Variants in SYNE2 observed in about 807,000 individuals in gnomAD.
SYNE2 encodes the protein spectrin repeat containing nuclear envelope protein 2, also known as nesprin-2.
In SYNE2, 431 loss-of-function variants were observed where a neutral mutation model predicts 856.3. The ratio of observed to expected loss-of-function variants is 0.50; its 90% confidence interval spans 0.47 to 0.55. The LOEUF (loss-of-function observed/expected upper bound fraction) is 0.55, where lower values mean the gene tolerates loss of function less well. SYNE2 is among the 20% of genes least tolerant of loss of function. The probability of loss-of-function intolerance (pLI) is 0.00; values close to 1 mark genes in which losing one functional copy is unlikely to be tolerated. For missense variants in SYNE2, 8,129 were observed against 8,023.2 expected (o/e 1.01, Z -0.50); for synonymous variants, 2,923 against 2,872.3 (o/e 1.02, Z -0.56).
intron 51 of SYNE2, 26 bp downstream of exon 51, chr14:64,065,676 A>T (rs759058167): frequency 6.2e-7 from 1 of 1,612,048 alleles, no homozygotes; most frequent in Non-Finnish European, 8.5e-7. Flanking sequence ...TCAACAAACC[A>T]TGTAGTTTCT....
At chr14:63,979,154 G>T (rs2096566706) in intron 14 of SYNE2, 140 bp downstream of exon 14, 1 of 818,802 alleles carries the variant, frequency 1.2e-6, no homozygotes, top group South Asian at 1.5e-5. Flanking sequence ...CTTAAATATT[G>T]CATGGAGAAA....
rs529688432 is a variant in SYNE2, at chr14:64,210,045, T to C, written c.18644T>C (p.Leu6215Pro). 1 of 1,614,122 alleles carries C rather than the reference T, an allele frequency of 6.2e-7. No homozygotes were observed. Among genetic ancestry groups the C allele is most frequent in the South Asian group, 1.1e-5 (1 of 91,090 alleles). Residue 6215 changes from leucine to proline, a missense_variant, in exon 103 of 116, where the codon CTG becomes CCG. Transcript: ENST00000555002. Reference sequence around the variant, plus strand: ...AACCGCACAGACACGGCCAGCAGGCTGAAGCAGATGGTCCACGAGGGCAAC... The same window carrying C: ...AACCGCACAGACACGGCCAGCAGGCCGAAGCAGATGGTCCACGAGGGCAAC... ...RENRTDTASR[L>P]KQMVHEGNQR... is the part of the protein sequence containing the mutation.
In SYNE2 at chr14:64,087,790, T is replaced by A; in HGVS notation, c.11604T>A (p.Ser3868Arg). ...TAACCCAATCCATACAAGAGTTAAG[T>A]AATCAAGTAACAGCTTTACAACAAA... ...DELTQSIQELSNQVTALQQKI... is the reference protein window; with the variant it reads ...DELTQSIQELRNQVTALQQKI... The change falls in exon 58 of 116, where the codon AGT becomes AGA. Residue 3868 changes from serine (S) to arginine (R), a missense_variant. Coordinates refer to ENST00000555002, the MANE Select transcript of SYNE2 (RefSeq NM_182914.3). The A allele has an allele frequency of 1.9e-6, 3 of 1,614,142 alleles. No homozygotes were observed. The highest frequency in any genetic ancestry group is 2.5e-6 in the Non-Finnish European group (3 of 1,179,972).
chr14:63,945,263 T>C (rs2096008303), intron 6 of SYNE2, among the ~76,000 whole-genome samples: 1 of 152,000 alleles, frequency 6.6e-6, no homozygotes, highest in Non-Finnish European at 1.5e-5. Flanking sequence ...CAGATAAAAA[T>C]ATAGAACTTT....
chr14:64,168,820 C>T (rs1022246355), intron 92 of SYNE2, 57 bp from the exon 93 acceptor site: 33 of 1,188,924 alleles, frequency 2.8e-5, no homozygotes, highest in Middle Eastern at 3.9e-4. Context: ...ATGTAGGTTC[C>T]GAGATTCATA....
intron 23 of SYNE2, among the ~76,000 whole-genome samples, chr14:63,996,391 C>T (rs1417682612): frequency 2.6e-5 from 4 of 152,164 alleles, no homozygotes; most frequent in African/African-American, 9.7e-5. Context: ...AATCCTATGT[C>T]ACCAGTTCCC....
chr14:64,141,555 G>A (rs370701757), intron 81 of SYNE2, 32 bp downstream of exon 81: 12 of 1,598,916 alleles, frequency 7.5e-6, no homozygotes, highest in Non-Finnish European at 9.4e-6. Context: ...ATTTGAATTA[G>A]CATTCACTTG....
intron 1 of SYNE2, among the ~76,000 whole-genome samples, chr14:63,770,927 A>T (rs1886876022): frequency 1.3e-5 from 2 of 152,180 alleles, no homozygotes; most frequent in South Asian, 4.1e-4. Context: ...GTTGGTCTTC[A>T]TCTCCTGGCC....
intron 1 of SYNE2, among the ~76,000 whole-genome samples, chr14:63,808,205 G>T (rs997355372): frequency 6.7e-6 from 1 of 149,630 alleles, no homozygotes; most frequent in African/African-American, 2.4e-5. Context: ...TGAGATTACA[G>T]GTGTGAGCCA....
At chr14:63,806,850 C>T (rs1888378979) in intron 1 of SYNE2, among the ~76,000 whole-genome samples, 1 of 150,832 alleles carries the variant, frequency 6.6e-6, no homozygotes, top group African/African-American at 2.4e-5. Flanking sequence ...ATCTATCAAT[C>T]CTATTTTTCC....
intron 1 of SYNE2, among the ~76,000 whole-genome samples, chr14:63,813,703 C>G (rs1160739417): frequency 1.3e-5 from 2 of 152,050 alleles, no homozygotes; most frequent in Non-Finnish European, 2.9e-5. Flanking sequence ...GGGAGTGGAT[C>G]ACGAGGTCAG....
chr14:64,095,320 T>C (rs2097667452), intron 61 of SYNE2, among the ~76,000 whole-genome samples: 1 of 152,240 alleles, frequency 6.6e-6, no homozygotes, highest in Admixed American at 6.5e-5. Flanking sequence ...TATGTATTAA[T>C]TGTAAAACGG....
chr14:63,779,788 G>A (rs1170541302), intron 1 of SYNE2, among the ~76,000 whole-genome samples: 1 of 152,142 alleles, frequency 6.6e-6, no homozygotes, highest in East Asian at 1.9e-4. Flanking sequence ...CCACGTGCCT[G>A]TAATCCCAGC....
At chr14:64,126,287 G>A in intron 71 of SYNE2, 40 bp from the exon 72 acceptor site, 2 of 1,578,344 alleles carry the variant, frequency 1.3e-6, no homozygotes, top group Non-Finnish European at 1.7e-6. Flanking sequence ...GGAAGGCAAA[G>A]GTATCTTAAT....
At chr14:63,771,128 G>A (rs1886886881) in intron 1 of SYNE2, among the ~76,000 whole-genome samples, 1 of 147,540 alleles carries the variant, frequency 6.8e-6, no homozygotes, top group Non-Finnish European at 1.5e-5. Flanking sequence ...GGAGCGCAGT[G>A]GCGCAATCTC....
chr14:64,169,059 C>A, intron 93 of SYNE2, 88 bp downstream of exon 93: 1 of 1,016,272 alleles, frequency 9.8e-7, no homozygotes, highest in Non-Finnish European at 1.5e-6. Flanking sequence ...TGAACCTTGA[C>A]CATGTTGGTG....
intron 44 of SYNE2, 90 bp from the exon 45 acceptor site, chr14:64,030,926 G>A: frequency 2.0e-6 from 2 of 1,025,418 alleles, no homozygotes; most frequent in South Asian, 1.4e-5. Flanking sequence ...TATTTCTACT[G>A]GTGAAGCAAG....
At chr14:63,971,365 C>T (rs565380140) in intron 11 of SYNE2, among the ~76,000 whole-genome samples, 73 of 152,196 alleles carry the variant, frequency 4.8e-4, no homozygotes, top group African/African-American at 1.7e-3. Context: ...ATCCACTCGC[C>T]TTGGCCTACT....
intron 92 of SYNE2, 150 bp from the exon 93 acceptor site, chr14:64,168,727 T>C (rs2098395797): frequency 1.6e-6 from 1 of 641,368 alleles, no homozygotes; most frequent in Admixed American, 2.4e-5. Context: ...GATATGATAG[T>C]TGAACATTTT....
Sources: allele counts gnomAD v4.1 joint callset (sites outside exome capture counted in the v4.1 genomes callset), GRCh38; gene constraint gnomAD v4.1.1; transcripts MANE v1.5; gene names NCBI Gene and HGNC (gene_info 2026-07-23, HGNC 2026-07-21).